AKAP19: variants seen among roughly 807,000 people sequenced by gnomAD.
The protein encoded by AKAP19 is A-kinase anchoring protein 19.
At chr2:189,922,590 G>A in the AKAP19 span, among the ~76,000 whole-genome samples, 2 of 152,216 alleles carry the variant, frequency 1.3e-5, no homozygotes, top group Admixed American at 1.3e-4. Context: ...GACATACACA[G>A]AGCAGCAGAA....
chr2:190,016,074 T>C, the AKAP19 span, among the ~76,000 whole-genome samples: 1 of 152,236 alleles, frequency 6.6e-6, no homozygotes, highest in Non-Finnish European at 1.5e-5. Flanking sequence ...CTTTCTGTTT[T>C]CTTTGGAGCC....
the AKAP19 span, among the ~76,000 whole-genome samples, chr2:190,167,433 T>A: frequency 6.6e-6 from 1 of 152,142 alleles, no homozygotes; most frequent in African/African-American, 2.4e-5. Context: ...CAAAATCTCA[T>A]GTTCTCATAT....
At chr2:189,905,937 G>C in the AKAP19 span, among the ~76,000 whole-genome samples, 2 of 152,076 alleles carry the variant, frequency 1.3e-5, no homozygotes, top group African/African-American at 4.8e-5. Context: ...GCAGACAAGA[G>C]TGAACAGGGT....
the AKAP19 span, among the ~76,000 whole-genome samples, chr2:189,994,890 T>C: frequency 6.6e-6 from 1 of 152,210 alleles, no homozygotes; most frequent in Non-Finnish European, 1.5e-5. Context: ...TGAGCCACCA[T>C]GCCTGGCCTG....
the AKAP19 span, among the ~76,000 whole-genome samples, chr2:190,182,431 C>A: frequency 2.0e-5 from 3 of 152,070 alleles, no homozygotes; most frequent in Non-Finnish European, 4.4e-5. Flanking sequence ...TGCTTGACAG[C>A]CTTTCAGATC....
chr2:190,149,279 C>CTT, the AKAP19 span, among the ~76,000 whole-genome samples: 2 of 151,362 alleles, frequency 1.3e-5, no homozygotes, highest in African/African-American at 4.9e-5. Context: ...AAAGAACCAG[C>CTT]TTTTTTTTTC....
At chr2:189,901,802 T>G in the AKAP19 span, among the ~76,000 whole-genome samples, 1 of 152,214 alleles carries the variant, frequency 6.6e-6, no homozygotes, top group Non-Finnish European at 1.5e-5. Context: ...GCTAAATTAT[T>G]ATGTACACTC....
At chr2:190,147,747 T>TTGTTG in the AKAP19 span, among the ~76,000 whole-genome samples, 6 of 151,630 alleles carry the variant, frequency 4.0e-5, no homozygotes, top group Middle Eastern at 3.4e-3. Flanking sequence ...AGGTTTTTTT[T>TTGTTG]TTGTTGTTGT....
At chr2:190,119,318 A>AG in the AKAP19 span, among the ~76,000 whole-genome samples, 1 of 152,244 alleles carries the variant, frequency 6.6e-6, no homozygotes, top group East Asian at 1.9e-4. Context: ...GCGCTTAGGT[A>AG]GTATCAGCCA....
At chr2:189,986,427 A>AG in the AKAP19 span, among the ~76,000 whole-genome samples, 1 of 152,136 alleles carries the variant, frequency 6.6e-6, no homozygotes, top group Non-Finnish European at 1.5e-5. Context: ...ACAAAAAAAA[A>AG]AAGGAATCAT....
chr2:190,111,845 A>G, the AKAP19 span, among the ~76,000 whole-genome samples: 1 of 152,074 alleles, frequency 6.6e-6, no homozygotes, highest in African/African-American at 2.4e-5. Context: ...CACATTATAT[A>G]CTTTGTTTCT....
At chr2:189,914,488 C>T in the AKAP19 span, among the ~76,000 whole-genome samples, 1 of 151,864 alleles carries the variant, frequency 6.6e-6, no homozygotes, top group African/African-American at 2.4e-5. Flanking sequence ...ATGAAACTGC[C>T]AGCAGTAAGC....
the AKAP19 span, among the ~76,000 whole-genome samples, chr2:189,934,240 G>A: frequency 6.6e-6 from 1 of 152,042 alleles, no homozygotes; most frequent in African/African-American, 2.4e-5. Flanking sequence ...CTTTGTAGCT[G>A]TAACATCACA....
At chr2:189,949,864 T>G in the AKAP19 span, among the ~76,000 whole-genome samples, 1 of 151,468 alleles carries the variant, frequency 6.6e-6, no homozygotes, top group Non-Finnish European at 1.5e-5. Context: ...TCTCTTGACC[T>G]CGTGATCTAC....
At chr2:190,005,071 A>G in the AKAP19 span, among the ~76,000 whole-genome samples, 1 of 152,138 alleles carries the variant, frequency 6.6e-6, no homozygotes, top group Non-Finnish European at 1.5e-5. Flanking sequence ...CTTTCCTTCC[A>G]GTGAGTTCAC....
the AKAP19 span, among the ~76,000 whole-genome samples, chr2:190,092,810 T>C: frequency 6.6e-6 from 1 of 151,894 alleles, no homozygotes; most frequent in Non-Finnish European, 1.5e-5. Flanking sequence ...CTGTGAAAAA[T>C]ATTATTTCCT....
the AKAP19 span, among the ~76,000 whole-genome samples, chr2:189,983,101 T>C: frequency 6.6e-6 from 1 of 152,042 alleles, no homozygotes; most frequent in African/African-American, 2.4e-5. Context: ...TGCATTGAGG[T>C]CTTAGGATAA....
the AKAP19 span, among the ~76,000 whole-genome samples, chr2:189,958,485 TTAAG>T: frequency 4.7e-5 from 7 of 148,520 alleles, no homozygotes; most frequent in Non-Finnish European, 8.9e-5. Context: ...TAATATTTAA[TTAAG>T]TAATATTTAA....
the AKAP19 span, among the ~76,000 whole-genome samples, chr2:190,015,296 C>G: frequency 6.6e-6 from 1 of 152,188 alleles, no homozygotes; most frequent in African/African-American, 2.4e-5. Flanking sequence ...GTTCCCAAAC[C>G]TCAATTCTTG....
Sources: allele counts gnomAD v4.1 joint callset (sites outside exome capture counted in the v4.1 genomes callset), GRCh38; gene constraint gnomAD v4.1.1; transcripts MANE v1.5; gene names NCBI Gene and HGNC (gene_info 2026-07-23, HGNC 2026-07-21).